The following SPATS2L variants were observed in gnomAD, a reference collection of about 807,000 sequenced individuals.
SPATS2L encodes SPATS2-like protein.
A neutral mutation model predicts 59.6 loss-of-function variants in SPATS2L; 30 were observed. The observed-to-expected ratio is 0.50, with a 90% CI of 0.38 to 0.68. The LOEUF (loss-of-function observed/expected upper bound fraction) is 0.68, where lower values mean the gene tolerates loss of function less well. SPATS2L is among the 30% of genes least tolerant of loss of function. The probability of loss-of-function intolerance (pLI) is 0.00; values close to 1 mark genes in which losing one functional copy is unlikely to be tolerated. For synonymous variants in SPATS2L, 252 were observed against 263.5 expected, an observed-to-expected ratio of 0.96 and a Z score of 0.42; for missense variants, 615 against 700.0, an observed-to-expected ratio of 0.88 and a Z score of 1.37.
At chr2:200,339,386 T>C (rs1457362189) in intron 2 of SPATS2L, among the ~76,000 whole-genome samples, 1 of 152,194 alleles carries the variant, frequency 6.6e-6, no homozygotes, top group East Asian at 1.9e-4. Context: ...TTTAATACAT[T>C]CCTTTTGAAA....
At chr2:200,431,957 G>A (rs1362140538) in intron 6 of SPATS2L, among the ~76,000 whole-genome samples, 1 of 152,120 alleles carries the variant, frequency 6.6e-6, no homozygotes, top group East Asian at 1.9e-4. Flanking sequence ...TTTCACTGTT[G>A]GCAAGAGTTA....
chr2:200,420,758 A>G (rs894374724), intron 6 of SPATS2L, among the ~76,000 whole-genome samples: 50 of 152,202 alleles, frequency 3.3e-4, no homozygotes, highest in African/African-American at 7.2e-4. Flanking sequence ...TCACATAATT[A>G]TATATATATT....
intron 5 of SPATS2L, 105 bp downstream of exon 5, chr2:200,416,533 T>C: frequency 2.0e-6 from 1 of 507,878 alleles, no homozygotes; most frequent in East Asian, 3.5e-5. Context: ...TCAAGTATGT[T>C]AATATATACA....
intron 2 of SPATS2L, among the ~76,000 whole-genome samples, chr2:200,348,362 C>T (rs1398406932): frequency 6.6e-6 from 1 of 152,226 alleles, no homozygotes; most frequent in Non-Finnish European, 1.5e-5. Context: ...GGCCACAGTT[C>T]TGAAGATGTT....
intron 1 of SPATS2L, among the ~76,000 whole-genome samples, chr2:200,328,774 AC>A (rs1417151581): frequency 6.6e-6 from 1 of 152,234 alleles, no homozygotes; most frequent in African/African-American, 2.4e-5. Context: ...TGGTTGACTT[AC>A]GACCTTGGCA....
chr2:200,442,508 G>C (rs1170206688), intron 8 of SPATS2L, among the ~76,000 whole-genome samples: 1 of 152,162 alleles, frequency 6.6e-6, no homozygotes, highest in East Asian at 1.9e-4. Flanking sequence ...GTCAACCCCT[G>C]TCTAGAGGCA....
Position 200,306,813 on chromosome 2 carries a change from CCCGCCCTCCGAGCCGCAGGGG to C in SPATS2L, c.-176_-156del, listed in dbSNP as rs1185520865. 1 of 980,826 alleles carries C rather than the reference CCCGCCCTCCGAGCCGCAGGGG, an allele frequency of 1.0e-6. No individual in the cohort carries two copies. The highest frequency in any genetic ancestry group is 1.2e-6 in the Non-Finnish European group (1 of 828,166). 60.8% of individuals were successfully genotyped at this position (980,826 alleles called of 1,614,324 possible). A position where few individuals can be genotyped will look rare whatever the true frequency, so the allele number is the denominator to read the frequency against. On this transcript the variant is annotated 5_prime_UTR_variant, in exon 1 of 13. Coordinates refer to ENST00000409140, the MANE Select transcript of SPATS2L (RefSeq NM_001100423.2). ...GGCCCAGGCAGCGGCTCCCGCTCGG[CCCGCCCTCCGAGCCGCAGGGG>C]CCGCCACCGCCGCGGCGCCTCCCCT...
At chr2:200,375,315 CT>C (rs1270599903) in intron 2 of SPATS2L, among the ~76,000 whole-genome samples, 1 of 151,986 alleles carries the variant, frequency 6.6e-6, no homozygotes, top group African/African-American at 2.4e-5. Flanking sequence ...TTCAGTCTTT[CT>C]TTTTTGGACA....
At chr2:200,322,496 G>T (rs187164155) in intron 1 of SPATS2L, among the ~76,000 whole-genome samples, 1 of 152,302 alleles carries the variant, frequency 6.6e-6, no homozygotes, top group Admixed American at 6.5e-5. Flanking sequence ...ATTGCTATAG[G>T]TATAAGTATA....
chr2:200,379,507 C>T (rs1181195075), intron 2 of SPATS2L, among the ~76,000 whole-genome samples: 4 of 152,064 alleles, frequency 2.6e-5, no homozygotes, highest in African/African-American at 9.7e-5. Flanking sequence ...AAAAACATTG[C>T]CCTTTCTGTA....
chr2:200,414,062 A>G (rs2082976253), intron 4 of SPATS2L, among the ~76,000 whole-genome samples: 1 of 152,162 alleles, frequency 6.6e-6, no homozygotes, highest in African/African-American at 2.4e-5. Flanking sequence ...GCTTTAGGAA[A>G]GGGTAAAGGC....
intron 1 of SPATS2L, chr2:200,309,185 G>T (rs1235541849): frequency 1.4e-6 from 1 of 715,726 alleles, no homozygotes; most frequent in African/African-American, 1.7e-5. Flanking sequence ...GATCAGAGTT[G>T]TGTTATCAAT....
chr2:200,319,080 G>A (rs1255624299), intron 1 of SPATS2L, among the ~76,000 whole-genome samples: 1 of 152,116 alleles, frequency 6.6e-6, no homozygotes, highest in Non-Finnish European at 1.5e-5. Context: ...TCTTCCATCC[G>A]CCCTTTGAAT....
intron 12 of SPATS2L, among the ~76,000 whole-genome samples, chr2:200,475,299 T>G (rs1256215389): frequency 6.6e-6 from 1 of 152,224 alleles, no homozygotes; most frequent in African/African-American, 2.4e-5. Flanking sequence ...CGTGCACCCG[T>G]GACACAGCCT....
At chr2:200,410,650 T>TCCCAC in intron 3 of SPATS2L, among the ~76,000 whole-genome samples, 1 of 150,966 alleles carries the variant, frequency 6.6e-6, no homozygotes, top group Non-Finnish European at 1.5e-5. Flanking sequence ...CCCCTTCCCC[T>TCCCAC]CCCACCCATC....
intron 10 of SPATS2L, among the ~76,000 whole-genome samples, chr2:200,468,302 A>T (rs1216036010): frequency 1.5e-5 from 2 of 135,924 alleles, no homozygotes; most frequent in African/African-American, 5.3e-5. Flanking sequence ...ACAAAATAGG[A>T]AGAAATTTTA....
intron 2 of SPATS2L, among the ~76,000 whole-genome samples, chr2:200,371,372 A>G (rs2081420670): frequency 1.3e-5 from 2 of 152,212 alleles, no homozygotes; most frequent in South Asian, 2.1e-4. Flanking sequence ...ACCAGGTTTA[A>G]GGAGTGTCTG....
At chr2:200,312,346 A>C (rs1004857049) in intron 1 of SPATS2L, among the ~76,000 whole-genome samples, 4 of 152,190 alleles carry the variant, frequency 2.6e-5, no homozygotes, top group Admixed American at 2.0e-4. Context: ...CACCTAGCCG[A>C]GTTGAGTAAA....
chr2:200,342,658 T>C (rs1222104774), intron 2 of SPATS2L, among the ~76,000 whole-genome samples: 1 of 152,222 alleles, frequency 6.6e-6, no homozygotes, highest in Admixed American at 6.5e-5. Context: ...CCCTAGAAAT[T>C]TGAGTTTTTC....
Sources: gnomAD v4.1 joint callset for allele counts (sites outside exome capture counted in the v4.1 genomes callset) on GRCh38, gnomAD v4.1.1 for gene constraint, MANE v1.5 for transcripts, NCBI Gene and HGNC (gene_info 2026-07-23, HGNC 2026-07-21) for gene names.